The following LDLRAD4 variants were observed in gnomAD, a reference collection of about 807,000 sequenced individuals.
The protein encoded by LDLRAD4 is low-density lipoprotein receptor class A domain-containing protein 4.
In LDLRAD4, 5 loss-of-function variants were observed where a neutral mutation model predicts 17.0. The observed-to-expected ratio is 0.29, with a 90% CI of 0.15 to 0.62. LDLRAD4 has a LOEUF of 0.62. Among genes scored for constraint, LDLRAD4 ranks in the 20% least tolerant of loss-of-function variants. The pLI is 0.84. For synonymous variants in LDLRAD4, 168 were observed against 171.8 expected, an observed-to-expected ratio of 0.98 and a Z score of 0.17; for missense variants, 340 against 424.7, an observed-to-expected ratio of 0.80 and a Z score of 1.75.
At chr18:13,634,063 C>T (rs1262650756) in intron 4 of LDLRAD4, among the ~76,000 whole-genome samples, 23 of 152,224 alleles carry the variant, frequency 1.5e-4, no homozygotes, top group Non-Finnish European at 3.1e-4. Flanking sequence ...GCTACTTCAA[C>T]ATCATAAAGG....
At chr18:13,285,506 C>T (rs138335745) in intron 1 of LDLRAD4, among the ~76,000 whole-genome samples, 303 of 152,270 alleles carry the variant, frequency 2.0e-3, no homozygotes, top group African/African-American at 6.7e-3. Context: ...AGGCTTTCTT[C>T]TTGAAATTCA....
chr18:13,530,515 A>C (rs901100756), intron 3 of LDLRAD4, among the ~76,000 whole-genome samples: 2 of 152,232 alleles, frequency 1.3e-5, no homozygotes, highest in African/African-American at 4.8e-5. Context: ...CATCCTGGCC[A>C]AAATGAAATG....
At chr18:13,304,464 T>G (rs1353019096) in intron 1 of LDLRAD4, among the ~76,000 whole-genome samples, 1 of 152,114 alleles carries the variant, frequency 6.6e-6, no homozygotes, top group African/African-American at 2.4e-5. Context: ...GTCAGAATGG[T>G]CTCGTGCAGC....
At chr18:13,318,512 T>C (rs2081051274) in intron 1 of LDLRAD4, among the ~76,000 whole-genome samples, 1 of 152,218 alleles carries the variant, frequency 6.6e-6, no homozygotes, top group African/African-American at 2.4e-5. Flanking sequence ...TTTACCTGCC[T>C]TAGCCTCCCA....
intron 1 of LDLRAD4, among the ~76,000 whole-genome samples, chr18:13,311,802 T>A (rs1455832830): frequency 6.6e-6 from 1 of 151,658 alleles, no homozygotes; most frequent in Non-Finnish European, 1.5e-5. Flanking sequence ...AAGCTGAGAA[T>A]CTGAAATCCC....
At chr18:13,640,871 G>C (rs1317031960) in intron 4 of LDLRAD4, among the ~76,000 whole-genome samples, 3 of 152,204 alleles carry the variant, frequency 2.0e-5, no homozygotes, top group Middle Eastern at 3.2e-3. Context: ...CAGGCCTTAA[G>C]AAAGAATTTA....
At chr18:13,494,043 C>T (rs2093411727) in intron 3 of LDLRAD4, among the ~76,000 whole-genome samples, 1 of 152,228 alleles carries the variant, frequency 6.6e-6, no homozygotes, top group Non-Finnish European at 1.5e-5. Context: ...CACAGTGCCT[C>T]CTCCTTCCTG....
chr18:13,569,204 C>T (rs998207672), intron 3 of LDLRAD4, among the ~76,000 whole-genome samples: 1 of 152,254 alleles, frequency 6.6e-6, no homozygotes, highest in Non-Finnish European at 1.5e-5. Flanking sequence ...ACTCCTGGGG[C>T]CTTCCCCACA....
intron 1 of LDLRAD4, among the ~76,000 whole-genome samples, chr18:13,264,771 A>T (rs911787607): frequency 1.6e-4 from 25 of 152,228 alleles, no homozygotes; most frequent in Admixed American, 6.5e-4. Context: ...TCTGAGATGC[A>T]TTGCTGAAAA....
intron 3 of LDLRAD4, among the ~76,000 whole-genome samples, chr18:13,585,657 T>G (rs2148486934): frequency 6.6e-6 from 1 of 152,352 alleles, no homozygotes; most frequent in Admixed American, 6.5e-5. Context: ...CATTTAATTT[T>G]AGTGATGAAT....
At chr18:13,637,557 A>C (rs1314206919) in intron 4 of LDLRAD4, among the ~76,000 whole-genome samples, 1 of 152,194 alleles carries the variant, frequency 6.6e-6, no homozygotes, top group Non-Finnish European at 1.5e-5. Context: ...CTTTAAAGGA[A>C]TATCTTAAAA....
At chr18:13,538,646 TC>T (rs1256601792) in intron 3 of LDLRAD4, among the ~76,000 whole-genome samples, 1 of 151,948 alleles carries the variant, frequency 6.6e-6, no homozygotes, top group African/African-American at 2.4e-5. Context: ...CACCTCAGCC[TC>T]CCCATTAGCT....
intron 3 of LDLRAD4, among the ~76,000 whole-genome samples, chr18:13,507,435 T>C (rs1341599242): frequency 6.6e-6 from 1 of 152,236 alleles, no homozygotes; most frequent in African/African-American, 2.4e-5. Context: ...TTTTCATTCC[T>C]GAGATACTCC....
chr18:13,346,062 T>C lies in LDLRAD4; in HGVS notation c.-382-41279T>C, dbSNP rs192766025. 7.9e-5 allele frequency among the ~76,000 whole-genome samples: 12 copies of C among 152,332 alleles called. No individual in the cohort carries two copies. The East Asian group carries it at 2.3e-3, about 29-fold the overall frequency. The stretch of plus-strand genomic sequence containing the variant: ...GATTCATTGATTTTTTGAAGGGTTT[T>C]TTGTGTCTCTATTTCCTTCAGTTCT... On this transcript the variant is annotated intron_variant, in intron 1 of 5. Transcript: ENST00000359446.
At chr18:13,634,379 A>T (rs983485594) in intron 4 of LDLRAD4, among the ~76,000 whole-genome samples, 2 of 152,260 alleles carry the variant, frequency 1.3e-5, no homozygotes, top group African/African-American at 4.8e-5. Context: ...AGTTAGCAGG[A>T]TACAGAATCA....
chr18:13,633,617 C>G (rs1438432798), intron 4 of LDLRAD4, among the ~76,000 whole-genome samples: 1 of 152,178 alleles, frequency 6.6e-6, no homozygotes, highest in Non-Finnish European at 1.5e-5. Context: ...ACACACCTGG[C>G]CAAATTGTGA....
At chr18:13,469,217 T>TA (rs1387085562) in intron 3 of LDLRAD4, among the ~76,000 whole-genome samples, 1 of 152,174 alleles carries the variant, frequency 6.6e-6, no homozygotes, top group African/African-American at 2.4e-5. Flanking sequence ...GTTATGATTT[T>TA]AAAAATCAGA....
chr18:13,244,484 A>G (rs2042859825), intron 1 of LDLRAD4, among the ~76,000 whole-genome samples: 1 of 152,212 alleles, frequency 6.6e-6, no homozygotes, highest in Non-Finnish European at 1.5e-5. Context: ...TTAATTGCCA[A>G]ACATAAATAT....
chr18:13,641,980 G>A, intron 4 of LDLRAD4: 1 of 985,212 alleles, frequency 1.0e-6, no homozygotes, highest in Non-Finnish European at 1.2e-6. Flanking sequence ...CCTGGGCCCT[G>A]GGCGGTGGGA....
Sources: gnomAD v4.1 joint callset for allele counts (sites outside exome capture counted in the v4.1 genomes callset) on GRCh38, gnomAD v4.1.1 for gene constraint, MANE v1.5 for transcripts, NCBI Gene and HGNC (gene_info 2026-07-23, HGNC 2026-07-21) for gene names.